COL25A1: variants seen among roughly 807,000 people sequenced by gnomAD.
COL25A1 encodes the protein collagen alpha-1(XXV) chain.
COL25A1 carries 103 observed loss-of-function variants against 128.4 expected under a neutral mutation model. The observed-to-expected ratio is 0.80, with a 90% confidence interval of 0.68 to 0.94. COL25A1 has a LOEUF of 0.94. COL25A1 is among the 40% of genes least tolerant of loss of function. The probability of loss-of-function intolerance (pLI) is 0.00; values close to 1 mark genes in which losing one functional copy is unlikely to be tolerated. For missense variants in COL25A1, 745 were observed against 840.0 expected (o/e 0.89, Z 1.40); for synonymous variants, 279 against 277.2 (o/e 1.01, Z -0.06).
At chr4:108,924,321 G>A (rs898562625) in intron 11 of COL25A1, among the ~76,000 whole-genome samples, 1 of 152,062 alleles carries the variant, frequency 6.6e-6, no homozygotes, top group Admixed American at 6.5e-5. Flanking sequence ...GATAAAAACT[G>A]GTGAACACAG....
intron 3 of COL25A1, among the ~76,000 whole-genome samples, chr4:109,221,159 C>A (rs1778383211): frequency 7.8e-6 from 1 of 128,078 alleles, no homozygotes; most frequent in African/African-American, 4.1e-5. Context: ...GATAAAATTA[C>A]TTAATATGCA....
intron 5 of COL25A1, among the ~76,000 whole-genome samples, chr4:109,019,371 C>CAAATATATAT (rs1183525991): frequency 1.1e-4 from 1 of 8,940 alleles, no homozygotes; most frequent in African/African-American, 1.3e-3. Context: ...CACACACACA[C>CAAATATATAT]ACACATATAT....
intron 21 of COL25A1, among the ~76,000 whole-genome samples, 161 bp downstream of exon 21, chr4:108,863,158 T>G (rs537783236): frequency 4.7e-4 from 71 of 152,208 alleles, no homozygotes; most frequent in Non-Finnish European, 9.1e-4. Context: ...GTGAGGTGAA[T>G]TGTAAAATCT....
intron 3 of COL25A1, among the ~76,000 whole-genome samples, chr4:109,098,762 CCCCTATT>C (rs1765630014): frequency 6.6e-6 from 1 of 152,206 alleles, no homozygotes; most frequent in Non-Finnish European, 1.5e-5. Flanking sequence ...AACAAAATGA[CCCCTATT>C]CCCCAATCTA....
At chr4:108,889,384 A>T (rs1348979127) in intron 17 of COL25A1, 128 bp from the exon 18 acceptor site, 4 of 807,034 alleles carry the variant, frequency 5.0e-6, no homozygotes, top group Admixed American at 2.4e-5. Context: ...TATTTCCTTT[A>T]TCCTGTGACT....
chr4:109,015,484 T>C (rs779782205), intron 5 of COL25A1, among the ~76,000 whole-genome samples: 1 of 152,104 alleles, frequency 6.6e-6, no homozygotes, highest in African/African-American at 2.4e-5. Context: ...AAAACCTGAA[T>C]CTAGTAAACG....
At chr4:109,139,211 TA>T (rs143382194) in intron 3 of COL25A1, among the ~76,000 whole-genome samples, 79,985 of 151,934 alleles carry the variant, frequency 0.53, 23,155 homozygotes, top group South Asian at 0.67. Context: ...AAGTTCCTTG[TA>T]GATTCTGGAT....
intron 3 of COL25A1, among the ~76,000 whole-genome samples, chr4:109,185,035 G>A (rs1775007677): frequency 6.6e-6 from 1 of 152,180 alleles, no homozygotes; most frequent in African/African-American, 2.4e-5. Context: ...GAAATTCAAA[G>A]ATGTGTAGAA....
At chr4:109,117,604 G>C (rs1767723565) in intron 3 of COL25A1, among the ~76,000 whole-genome samples, 1 of 151,846 alleles carries the variant, frequency 6.6e-6, no homozygotes, top group South Asian at 2.1e-4. Flanking sequence ...AATGGAAACT[G>C]TTATTTCCCT....
At chr4:108,940,098 G>C (rs998219123) in intron 10 of COL25A1, among the ~76,000 whole-genome samples, 3 of 151,990 alleles carry the variant, frequency 2.0e-5, no homozygotes, top group Non-Finnish European at 4.4e-5. Context: ...GACTTTATTG[G>C]TCTGCTATTG....
chr4:108,844,578 C>G lies in COL25A1; in HGVS notation c.1579-9G>C, dbSNP rs1734861090. The G allele has an allele frequency of 6.2e-7, 1 of 1,603,628 alleles. No homozygotes were observed. The highest frequency in any genetic ancestry group is 1.4e-5 in the African/African-American group (1 of 74,006). Reference sequence around the variant, plus strand: ...CCTGGTGGGCCTATGATCTGTATGTCCAAAAAATAAAAATGTATTTGGTTA... The same window carrying G: ...CCTGGTGGGCCTATGATCTGTATGTGCAAAAAATAAAAATGTATTTGGTTA... On this transcript the variant is annotated splice_polypyrimidine_tract_variant and intron_variant, in intron 29 of 37. Coordinates refer to ENST00000399132, the MANE Select transcript of COL25A1 (RefSeq NM_198721.4).
At chr4:109,003,145 T>C (rs10020872) in intron 6 of COL25A1, among the ~76,000 whole-genome samples, 121,082 of 152,200 alleles carry the variant, frequency 0.8, 49,338 homozygotes, top group East Asian at 1. Flanking sequence ...AGCTTCTGCA[T>C]AGCAAAAGAA....
At chr4:108,906,822 C>T (rs1225326658) in intron 13 of COL25A1, among the ~76,000 whole-genome samples, 3 of 152,132 alleles carry the variant, frequency 2.0e-5, no homozygotes, top group Non-Finnish European at 4.4e-5. Context: ...CCTATTAAAA[C>T]CACTCATACA....
At chr4:109,037,259 C>T (rs1377550628) in intron 5 of COL25A1, among the ~76,000 whole-genome samples, 1 of 152,198 alleles carries the variant, frequency 6.6e-6, no homozygotes, top group Non-Finnish European at 1.5e-5. Flanking sequence ...GTTAGCTGCA[C>T]AAATATGGAT....
intron 3 of COL25A1, among the ~76,000 whole-genome samples, chr4:109,159,138 A>G (rs1425269371): frequency 6.6e-6 from 1 of 151,794 alleles, no homozygotes; most frequent in Non-Finnish European, 1.5e-5. Context: ...ATAATGCTTC[A>G]AAGTAGAGAA....
intron 5 of COL25A1, among the ~76,000 whole-genome samples, chr4:109,036,110 G>A (rs533666392): frequency 6.6e-5 from 10 of 151,962 alleles, no homozygotes; most frequent in Admixed American, 6.6e-4. Context: ...GGTATTTTTA[G>A]TAGAGACAGG....
At chr4:108,921,574 A>G (rs1227353052) in intron 11 of COL25A1, among the ~76,000 whole-genome samples, 1 of 152,192 alleles carries the variant, frequency 6.6e-6, no homozygotes, top group East Asian at 1.9e-4. Flanking sequence ...GTTAATCAGC[A>G]TGTTGCATTC....
intron 3 of COL25A1, among the ~76,000 whole-genome samples, chr4:109,184,503 G>A (rs192962725): frequency 5.1e-4 from 77 of 152,166 alleles, no homozygotes; most frequent in African/African-American, 1.8e-3. Flanking sequence ...TCCTAGTGTC[G>A]GATACACAAT....
intron 31 of COL25A1, among the ~76,000 whole-genome samples, chr4:108,834,814 C>A (rs186697993): frequency 6.6e-6 from 1 of 152,274 alleles, no homozygotes; most frequent in Admixed American, 6.5e-5. Context: ...AATAATCAAT[C>A]AAATTTAGCA....
Sources: allele counts gnomAD v4.1 joint callset (sites outside exome capture counted in the v4.1 genomes callset), GRCh38; gene constraint gnomAD v4.1.1; transcripts MANE v1.5; gene names NCBI Gene and HGNC (gene_info 2026-07-23, HGNC 2026-07-21).